Variants in ACBD6 observed in about 807,000 individuals in gnomAD.
ACBD6 encodes acyl-CoA-binding domain-containing protein 6.
Under a neutral mutation model 37.2 loss-of-function variants are expected in ACBD6, and 28 were observed. That is an observed-to-expected ratio of 0.75 (90% CI 0.56 to 1.03). The LOEUF is 1.03. Ranked by LOEUF, ACBD6 falls within the 50% of genes least tolerant of loss-of-function variation. The probability of loss-of-function intolerance (pLI) is 0.00; values close to 1 mark genes in which losing one functional copy is unlikely to be tolerated. For synonymous variants in ACBD6, 113 were observed against 126.8 expected (o/e 0.89, Z 0.73); for missense variants, 340 against 337.4 (o/e 1.01, Z -0.06).
chr1:180,412,595 G>A (rs917110716), intron 5 of ACBD6, among the ~76,000 whole-genome samples: 9 of 152,208 alleles, frequency 5.9e-5, no homozygotes, highest in African/African-American at 2.2e-4. Flanking sequence ...ACAAGGCACA[G>A]TGGCTCATGC....
chr1:180,355,270 T>G (rs1652578543), intron 6 of ACBD6, among the ~76,000 whole-genome samples: 1 of 152,222 alleles, frequency 6.6e-6, no homozygotes, highest in African/African-American at 2.4e-5. Context: ...TTAGAAGGTC[T>G]CTGGCTCCCA....
intron 7 of ACBD6, among the ~76,000 whole-genome samples, chr1:180,296,099 A>G (rs1649906809): frequency 6.6e-6 from 1 of 152,212 alleles, no homozygotes; most frequent in East Asian, 1.9e-4. Flanking sequence ...ATGACAGGAA[A>G]GCAAAACAGC....
intron 6 of ACBD6, among the ~76,000 whole-genome samples, chr1:180,364,055 A>G (rs556900179): frequency 6.6e-6 from 1 of 152,136 alleles, no homozygotes; most frequent in African/African-American, 2.4e-5. Flanking sequence ...TTACCTTTTT[A>G]AAAAAAGGGA....
At chr1:180,320,736 T>C (rs1274360674) in intron 6 of ACBD6, among the ~76,000 whole-genome samples, 1 of 152,206 alleles carries the variant, frequency 6.6e-6, no homozygotes, top group Non-Finnish European at 1.5e-5. Context: ...TTTTCTCCCA[T>C]TCTGTGGGTT....
rs550560317 is a variant in ACBD6 at position 180,412,820 on chromosome 1, C to T, written c.573+546G>A. Among the ~76,000 whole-genome samples, 192 of 152,198 alleles carry T rather than the reference C, an allele frequency of 1.3e-3. 1 individual carries two copies. The highest frequency in any genetic ancestry group is 1.4e-3 in the Non-Finnish European group (98 of 68,012). ...GTTTGAGGATGCAGTGAGCTATGAGCGCACCCATGCACTCCAGCCTGGGCA... is the reference window on the plus strand; with the variant it reads ...GTTTGAGGATGCAGTGAGCTATGAGTGCACCCATGCACTCCAGCCTGGGCA... On this transcript the variant is annotated intron_variant, in intron 5 of 7. Transcript: ENST00000367595.
At chr1:180,463,245 G>C (rs1650218486) in intron 3 of ACBD6, among the ~76,000 whole-genome samples, 1 of 152,086 alleles carries the variant, frequency 6.6e-6, no homozygotes, top group Non-Finnish European at 1.5e-5. Context: ...GAAGGATATA[G>C]ACATAAAACT....
At chr1:180,465,726 C>A (rs1650323203) in intron 3 of ACBD6, among the ~76,000 whole-genome samples, 1 of 152,088 alleles carries the variant, frequency 6.6e-6, no homozygotes, top group Non-Finnish European at 1.5e-5. Context: ...TTCACTGCAG[C>A]ACTGTTCATA....
intron 4 of ACBD6, among the ~76,000 whole-genome samples, chr1:180,428,062 G>A (rs1403341180): frequency 6.7e-6 from 1 of 149,162 alleles, no homozygotes; most frequent in Admixed American, 6.7e-5. Context: ...TGCTGTAGTA[G>A]TAACAAAATT....
intron 7 of ACBD6, among the ~76,000 whole-genome samples, chr1:180,304,294 T>C (rs1224058036): frequency 2.0e-5 from 3 of 150,508 alleles, no homozygotes; most frequent in African/African-American, 7.3e-5. Flanking sequence ...GGGTATTCAA[T>C]TAGGAAAAGA....
intron 6 of ACBD6, among the ~76,000 whole-genome samples, chr1:180,369,061 C>A (rs1571417337): frequency 6.6e-6 from 1 of 152,146 alleles, no homozygotes; most frequent in East Asian, 1.9e-4. Flanking sequence ...AGTAAAGGTT[C>A]AAGGAAGAAT....
chr1:180,423,777 A>G (rs1030888862), intron 4 of ACBD6, among the ~76,000 whole-genome samples: 1 of 152,212 alleles, frequency 6.6e-6, no homozygotes, highest in East Asian at 1.9e-4. Flanking sequence ...TTAAATGCCA[A>G]TAACATAAAA....
intron 9 of ACBD6, chr1:180,276,423 T>G (rs1649032170): frequency 6.6e-6 from 1 of 152,210 alleles, no homozygotes; most frequent in African/African-American, 2.4e-5. Flanking sequence ...TAGCGTACCC[T>G]CGTTTTTTGG....
chr1:180,430,972 A>G (rs1044545046), intron 3 of ACBD6, among the ~76,000 whole-genome samples: 1 of 152,184 alleles, frequency 6.6e-6, no homozygotes, highest in Non-Finnish European at 1.5e-5. Flanking sequence ...AACCCCATGT[A>G]TTGACAGCGT....
At chr1:180,334,278 T>C (rs573806813) in intron 6 of ACBD6, among the ~76,000 whole-genome samples, 48 of 152,250 alleles carry the variant, frequency 3.2e-4, no homozygotes, top group African/African-American at 9.1e-4. Context: ...CAGGGGCAGA[T>C]TGACACCTCA....
At chr1:180,424,555 C>T (rs1648507624) in intron 4 of ACBD6, among the ~76,000 whole-genome samples, 1 of 152,156 alleles carries the variant, frequency 6.6e-6, no homozygotes, top group African/African-American at 2.4e-5. Context: ...ATTTGTAATG[C>T]ATATTCTGCT....
At chr1:180,295,297 G>C in intron 7 of ACBD6, among the ~76,000 whole-genome samples, 1 of 144,888 alleles carries the variant, frequency 6.9e-6, no homozygotes, top group East Asian at 2.0e-4. Context: ...TTGAGGCGGA[G>C]TCTTGCTCTG....
At chr1:180,393,539 A>G (rs1268191204) in intron 6 of ACBD6, among the ~76,000 whole-genome samples, 1 of 152,244 alleles carries the variant, frequency 6.6e-6, no homozygotes, top group African/African-American at 2.4e-5. Context: ...AGGCCAGTCA[A>G]TAATAATGTT....
At chr1:180,323,633 C>A (rs189121974) in intron 6 of ACBD6, among the ~76,000 whole-genome samples, 14 of 152,068 alleles carry the variant, frequency 9.2e-5, no homozygotes, top group Admixed American at 2.6e-4. Flanking sequence ...GCTGAATTGA[C>A]CCCTTTATCA....
chr1:180,405,581 ATT>A (rs1356309520), intron 5 of ACBD6, among the ~76,000 whole-genome samples: 1 of 152,214 alleles, frequency 6.6e-6, no homozygotes, highest in African/African-American at 2.4e-5. Context: ...TTGCTAAAAT[ATT>A]ACACTGTTAC....
Sources: gnomAD v4.1 joint callset for allele counts (sites outside exome capture counted in the v4.1 genomes callset) on GRCh38, gnomAD v4.1.1 for gene constraint, MANE v1.5 for transcripts, NCBI Gene and HGNC (gene_info 2026-07-23, HGNC 2026-07-21) for gene names.